Variants in XIRP2 observed in about 807,000 individuals in gnomAD.
XIRP2 encodes the protein xin actin binding repeat containing 2.
XIRP2 carries 236 observed loss-of-function variants against 277.0 expected under a neutral mutation model. The observed-to-expected ratio is 0.85, with a 90% CI of 0.77 to 0.95. The LOEUF (loss-of-function observed/expected upper bound fraction) is 0.95. Among genes scored for constraint, XIRP2 ranks in the 40% least tolerant of loss-of-function variants. XIRP2 has a pLI of 0.00. For missense variants in XIRP2, 4,640 were observed against 4,157.5 expected (o/e 1.12, Z -3.19); for synonymous variants, 1,490 against 1,416.5 (o/e 1.05, Z -1.17).
At chr2:167,173,296 C>T (rs1692748950) in intron 3 of XIRP2, among the ~76,000 whole-genome samples, 2 of 152,142 alleles carry the variant, frequency 1.3e-5, no homozygotes, top group African/African-American at 4.8e-5. Context: ...GCTTCTCAGC[C>T]TCTGATAACC....
At chr2:167,011,695 C>G (rs1032761237) in intron 2 of XIRP2, among the ~76,000 whole-genome samples, 4 of 151,136 alleles carry the variant, frequency 2.6e-5, no homozygotes, top group African/African-American at 9.7e-5. Context: ...GTGAGTCCAT[C>G]TGGTCCTGGA....
intron 2 of XIRP2, among the ~76,000 whole-genome samples, chr2:167,026,215 T>G (rs1688153200): frequency 6.6e-6 from 1 of 152,180 alleles, no homozygotes; most frequent in African/African-American, 2.4e-5. Flanking sequence ...TGTAATGGCC[T>G]TCTTTGTCTC....
intron 2 of XIRP2, among the ~76,000 whole-genome samples, chr2:166,936,692 T>C (rs1246993866): frequency 6.6e-6 from 1 of 152,214 alleles, no homozygotes; most frequent in African/African-American, 2.4e-5. Context: ...TTGCTTGTTT[T>C]TGTCAGGTTT....
At chr2:166,959,171 C>T (rs959522604) in intron 2 of XIRP2, among the ~76,000 whole-genome samples, 1 of 151,690 alleles carries the variant, frequency 6.6e-6, no homozygotes, top group African/African-American at 2.4e-5. Flanking sequence ...TTCTTGCTGT[C>T]GTCTTTAACA....
chr2:167,258,448 A>G lies in XIRP2; in HGVS notation c.*631A>G, dbSNP rs1405835143. 6.2e-7 allele frequency: 1 copy of G among 1,613,230 alleles called. No homozygotes were observed. The highest frequency in any genetic ancestry group is 8.5e-7 in the Non-Finnish European group (1 of 1,179,700). On this transcript the variant is annotated 3_prime_UTR_variant, in exon 11 of 11. Transcript: ENST00000409195. ...GAAGAAAAGATGAAAAGAAGGAAGG[A>G]AGGAAGAATGTGCAAGATAGGCCGA...
intron 2 of XIRP2, among the ~76,000 whole-genome samples, chr2:167,096,040 A>AT (rs750774122): frequency 6.7e-6 from 1 of 150,248 alleles, no homozygotes; most frequent in Middle Eastern, 3.4e-3. Flanking sequence ...CACCCAGCTA[A>AT]TTTTTTGTAT....
intron 2 of XIRP2, among the ~76,000 whole-genome samples, chr2:166,959,735 T>C (rs1264273797): frequency 6.6e-6 from 1 of 151,754 alleles, no homozygotes; most frequent in Non-Finnish European, 1.5e-5. Flanking sequence ...TCATTGTACT[T>C]TTGAGAGTTT....
At chr2:167,204,287 A>G (rs1424120756) in intron 3 of XIRP2, among the ~76,000 whole-genome samples, 1 of 152,238 alleles carries the variant, frequency 6.6e-6, no homozygotes, top group African/African-American at 2.4e-5. Context: ...ATCTGGGAAT[A>G]TTATGGATAT....
intron 2 of XIRP2, among the ~76,000 whole-genome samples, chr2:166,944,116 A>G (rs1206685153): frequency 1.3e-5 from 2 of 152,182 alleles, no homozygotes; most frequent in African/African-American, 4.8e-5. Flanking sequence ...CTAACTTTCT[A>G]AGCCAGATGT....
chr2:167,185,459 C>A (rs1188800787), intron 3 of XIRP2, among the ~76,000 whole-genome samples: 1 of 151,538 alleles, frequency 6.6e-6, no homozygotes, highest in Non-Finnish European at 1.5e-5. Flanking sequence ...TCAAAAACAG[C>A]AAGTTTGAAG....
chr2:166,988,167 C>G (rs377431705), intron 2 of XIRP2, among the ~76,000 whole-genome samples: 2 of 152,076 alleles, frequency 1.3e-5, no homozygotes, highest in African/African-American at 4.8e-5. Context: ...TATCAAGCAC[C>G]CCCTACTCTA....
Position 167,244,165 on chromosome 2 carries a change from A to G in XIRP2, c.2773A>G (p.Arg925Gly), listed in dbSNP as rs370823923. The G allele has an allele frequency of 8.1e-6, 13 of 1,613,754 alleles. No individual in the cohort carries two copies. The highest frequency in any genetic ancestry group is 1.0e-5 in the Non-Finnish European group (12 of 1,179,872). ...TGAAACCCAACCTCTGGAAGACATTAGAAAAGATAAAAAGGAGTACACACG... is the reference window on the plus strand; with the variant it reads ...TGAAACCCAACCTCTGGAAGACATTGGAAAAGATAAAAAGGAGTACACACG... ...IFETQPLEDI[R>G]KDKKEYTRTV... The change falls in exon 9 of 11, where the codon AGA becomes GGA. Residue 925 changes from arginine (R) to glycine (G), a missense_variant. Arg to Gly is a moderately radical substitution (Grantham distance 125). Transcript: ENST00000409195.
At position 167,039,920 on chromosome 2, in the gene XIRP2, C is replaced by CA. The variant is rs199762897; in HGVS notation, c.409-95983dup. On this transcript the variant is annotated intron_variant, in intron 2 of 10. Transcript: ENST00000409195. ...AAATATGAATTAGAAACTAATGAGC[C>CA]AAAAAATCAATATACATACATGCTA... 3.2e-3 allele frequency among the ~76,000 whole-genome samples: 488 copies of CA among 151,820 alleles called. 2 individuals are homozygous for CA. Among genetic ancestry groups the CA allele is most frequent in the Non-Finnish European group, 5.3e-3 (363 of 67,952 alleles).
intron 3 of XIRP2, among the ~76,000 whole-genome samples, chr2:167,163,994 C>A (rs1573926325): frequency 6.6e-6 from 1 of 152,100 alleles, no homozygotes; most frequent in East Asian, 1.9e-4. Context: ...ATGTTTTATT[C>A]TTTCACCAGT....
intron 2 of XIRP2, among the ~76,000 whole-genome samples, chr2:166,950,746 T>G (rs908112311): frequency 3.3e-5 from 5 of 152,078 alleles, no homozygotes; most frequent in Non-Finnish European, 4.4e-5. Flanking sequence ...CTAAGGCATT[T>G]TTTTGAGCAA....
intron 2 of XIRP2, among the ~76,000 whole-genome samples, chr2:167,033,776 G>A (rs1259943521): frequency 1.3e-5 from 2 of 151,900 alleles, no homozygotes; most frequent in African/African-American, 2.4e-5. Context: ...GTATGCCCTG[G>A]GAAAATATCA....
At chr2:167,107,781 A>G (rs1322997397) in intron 2 of XIRP2, among the ~76,000 whole-genome samples, 2 of 151,188 alleles carry the variant, frequency 1.3e-5, no homozygotes, top group African/African-American at 4.8e-5. Context: ...CTCCTCTCCT[A>G]TTTTCTGAAA....
intron 10 of XIRP2, 55 bp downstream of exon 10, chr2:167,254,220 T>C (rs1695599627): frequency 6.4e-7 from 1 of 1,556,560 alleles, no homozygotes; most frequent in East Asian, 2.3e-5. Context: ...ACTCTATGTA[T>C]AGCCTCATAT....
chr2:166,907,561 G>A (rs1241085562), intron 2 of XIRP2, among the ~76,000 whole-genome samples: 1 of 151,732 alleles, frequency 6.6e-6, no homozygotes, highest in African/African-American at 2.4e-5. Context: ...ACTCAACTCT[G>A]CATCTCTCCT....
Sources: gnomAD v4.1 joint callset for allele counts (sites outside exome capture counted in the v4.1 genomes callset) on GRCh38, gnomAD v4.1.1 for gene constraint, MANE v1.5 for transcripts, NCBI Gene and HGNC (gene_info 2026-07-23, HGNC 2026-07-21) for gene names.